Variants in CDH19 observed in about 807,000 individuals in gnomAD.
CDH19 encodes cadherin 19.
In CDH19, 67 loss-of-function variants were observed where a neutral mutation model predicts 64.2. The observed-to-expected ratio is 1.04, with a 90% CI of 0.86 to 1.28. The LOEUF is 1.28. Among genes scored for constraint, CDH19 ranks in the 50% most tolerant of loss-of-function variants. The pLI is 0.00. For missense variants in CDH19, 1,030 were observed against 929.0 expected (o/e 1.11, Z -1.41); for synonymous variants, 346 against 319.3 (o/e 1.08, Z -0.89).
intron 1 of CDH19, among the ~76,000 whole-genome samples, chr18:66,573,893 C>CCACACACACACACACACACACA (rs140587493): frequency 6.9e-6 from 1 of 145,156 alleles, no homozygotes; most frequent in African/African-American, 2.5e-5. Flanking sequence ...ACCACTGAAG[C>CCACACACACACACACACACACA]CACACACACA....
At chr18:66,601,928 CA>C (rs1302081136) in intron 1 of CDH19, among the ~76,000 whole-genome samples, 2 of 151,908 alleles carry the variant, frequency 1.3e-5, no homozygotes, top group East Asian at 3.9e-4. Flanking sequence ...TTTTGTCAAT[CA>C]GGGGCTGTCT....
chr18:66,555,172 A>T (rs1987472705), intron 3 of CDH19, among the ~76,000 whole-genome samples: 1 of 151,896 alleles, frequency 6.6e-6, no homozygotes, highest in African/African-American at 2.4e-5. Flanking sequence ...GTATACATTT[A>T]AAATTAGTGC....
intron 9 of CDH19, among the ~76,000 whole-genome samples, chr18:66,513,302 C>A (rs1012511685): frequency 2.0e-5 from 3 of 151,358 alleles, no homozygotes; most frequent in African/African-American, 7.3e-5. Context: ...AATCAAAATA[C>A]CTTATGCATA....
chr18:66,567,978 A>C (rs72936208), intron 3 of CDH19, among the ~76,000 whole-genome samples: 22,886 of 151,718 alleles, frequency 0.15, 1,841 homozygotes, highest in South Asian at 0.25. Flanking sequence ...GTTTTGTCTT[A>C]GTGGTTTTTT....
chr18:66,539,703 G>T lies in CDH19; in HGVS notation c.1214+4268C>A, dbSNP rs548616474. Reference sequence around the variant, plus strand: ...AGAATTTTCATATTTGTTTATGAGGGATATTGATCTGTAGTTTTCTTTGCT... The same window carrying T: ...AGAATTTTCATATTTGTTTATGAGGTATATTGATCTGTAGTTTTCTTTGCT... On this transcript the variant is annotated intron_variant, in intron 7 of 11. Coordinates refer to ENST00000262150, the MANE Select transcript of CDH19 (RefSeq NM_021153.4). Among the ~76,000 whole-genome samples the T allele has an allele frequency of 1.4e-4, 22 of 152,044 alleles. 1 individual carries two copies. In the South Asian group the frequency reaches 4.4e-3, roughly 30 times the overall value.
At chr18:66,550,891 G>T (rs1355550698) in intron 5 of CDH19, among the ~76,000 whole-genome samples, 1 of 152,008 alleles carries the variant, frequency 6.6e-6, no homozygotes, top group Non-Finnish European at 1.5e-5. Flanking sequence ...ATTACAGCAA[G>T]AATAGAAACT....
rs191427180 is a variant in CDH19 at position 66,602,661 on chromosome 18, A to G, written c.-113+1293T>C. Among the ~76,000 whole-genome samples, 674 of 151,956 alleles carry G rather than the reference A, an allele frequency of 4.4e-3. 4 individuals are homozygous for G. Among genetic ancestry groups the G allele is most frequent in the Admixed American group, 8.3e-3 (127 of 15,248 alleles). ...ACTGTAAAAATCAGATATTTATATA[A>G]TGATATGAGCATTTCGTTCACTGTT... On this transcript the variant is annotated intron_variant, in intron 1 of 11. Transcript: ENST00000262150.
Position 66,545,608 on chromosome 18 carries a change from C to A in CDH19, c.776-705G>T, listed in dbSNP as rs574181953. On this transcript the variant is annotated intron_variant, in intron 5 of 11. Coordinates refer to ENST00000262150, the MANE Select transcript of CDH19 (RefSeq NM_021153.4). ...ATTCATGTTTTATTTTTTATTGTAACCTTCAACCATACTAAATTAAATTTG... is the reference window on the plus strand; with the variant it reads ...ATTCATGTTTTATTTTTTATTGTAAACTTCAACCATACTAAATTAAATTTG... Among the ~76,000 whole-genome samples the A allele has an allele frequency of 3.9e-5, 6 of 152,046 alleles. No individual in the cohort carries two copies. The South Asian group carries it at 8.3e-4, about 21-fold the overall frequency.
At chr18:66,594,268 G>A (rs893620087) in intron 1 of CDH19, among the ~76,000 whole-genome samples, 1 of 151,968 alleles carries the variant, frequency 6.6e-6, no homozygotes, top group Non-Finnish European at 1.5e-5. Context: ...AGAAACCAAG[G>A]TATTGAAGAC....
chr18:66,506,977 A>G (rs1234534704), intron 11 of CDH19, among the ~76,000 whole-genome samples: 2 of 151,908 alleles, frequency 1.3e-5, no homozygotes, highest in African/African-American at 4.8e-5. Context: ...TCTGAATTGG[A>G]GATAAACATT....
At chr18:66,559,444 C>G (rs531077283) in intron 3 of CDH19, among the ~76,000 whole-genome samples, 97 of 151,572 alleles carry the variant, frequency 6.4e-4, no homozygotes, top group Non-Finnish European at 8.8e-4. Flanking sequence ...CGGCATTGTA[C>G]TGAACTTCCT....
intron 3 of CDH19, among the ~76,000 whole-genome samples, chr18:66,563,550 G>A (rs1987799675): frequency 6.6e-6 from 1 of 151,900 alleles, no homozygotes; most frequent in South Asian, 2.1e-4. Context: ...AATAAAACAG[G>A]ATTAAGATGA....
At chr18:66,532,525 A>AAG (rs1185458385) in intron 8 of CDH19, 111 of 248,848 alleles carry the variant, frequency 4.5e-4, no homozygotes, top group Middle Eastern at 2.6e-3. Flanking sequence ...CACACAGAGA[A>AAG]AGAGAGAGAG....
intron 1 of CDH19, among the ~76,000 whole-genome samples, chr18:66,577,977 T>C (rs1055534234): frequency 6.6e-6 from 1 of 151,986 alleles, no homozygotes; most frequent in Non-Finnish European, 1.5e-5. Context: ...TATCTTCACA[T>C]TGGCTTCTCT....
intron 1 of CDH19, among the ~76,000 whole-genome samples, chr18:66,574,727 A>G (rs898744822): frequency 6.6e-6 from 1 of 151,746 alleles, no homozygotes; most frequent in Non-Finnish European, 1.5e-5. Flanking sequence ...TATTATACCA[A>G]GGAGCATCAT....
rs1358254050 is a variant in CDH19 at position 66,503,557 on chromosome 18, CCA to C, written c.*1253_*1254del. 6.6e-6 allele frequency: 1 copy of C among 151,508 alleles called. No homozygotes were observed. Among genetic ancestry groups the C allele is most frequent in the Non-Finnish European group, 1.5e-5 (1 of 67,774 alleles). The allele number at this position is 151,508 out of a possible 1,614,324, so 9.4% of individuals were successfully genotyped here. ...GAGGTAAAAATTTACTTAAATTTTT[CCA>C]CACTTTCCACCAGTTTCATAAAGTT... On this transcript the variant is annotated 3_prime_UTR_variant, in exon 12 of 12. Transcript: ENST00000262150.
At chr18:66,539,463 T>C (rs1986803155) in intron 7 of CDH19, among the ~76,000 whole-genome samples, 1 of 151,884 alleles carries the variant, frequency 6.6e-6, no homozygotes, top group African/African-American at 2.4e-5. Flanking sequence ...CTGATTGTGC[T>C]GATAGTTTTT....
chr18:66,553,262 A>G (rs1005221331), intron 4 of CDH19, among the ~76,000 whole-genome samples: 1 of 134,584 alleles, frequency 7.4e-6, no homozygotes, highest in Non-Finnish European at 1.5e-5. Context: ...TTATAAATCT[A>G]GCAAGTTGTA....
At position 66,505,148 on chromosome 18, in the gene CDH19, A is replaced by C. The variant is rs1414258815; in HGVS notation, c.1983T>G (p.Ser661Arg). 2 of 1,613,094 alleles carry C rather than the reference A, an allele frequency of 1.2e-6. No individual in the cohort carries two copies. The highest frequency in any genetic ancestry group is 1.7e-6 in the Non-Finnish European group (2 of 1,179,564). Residue 661 changes from serine to arginine, a missense_variant, in exon 12 of 12, where the codon AGT becomes AGG. By Grantham distance (110) the Ser-to-Arg change is moderately radical. Transcript: ENST00000262150. The stretch of plus-strand genomic sequence containing the variant: ...TCTTGCGTTCCCGCATTATGGTACT[A>C]CTCCTCAGCTCTGCTATATCAAAGG... ...TEAFDIAELR[S>R]STIMRERKTR...
Sources: gnomAD v4.1 joint callset for allele counts (sites outside exome capture counted in the v4.1 genomes callset) on GRCh38, gnomAD v4.1.1 for gene constraint, MANE v1.5 for transcripts, NCBI Gene and HGNC (gene_info 2026-07-23, HGNC 2026-07-21) for gene names.